ZNF215: variants seen among roughly 807,000 people sequenced by gnomAD.
The protein encoded by ZNF215 is zinc finger protein 215, also known as BWSCR2-associated zinc finger protein 2.
In ZNF215, 24 loss-of-function variants were observed where a neutral mutation model predicts 27.2. That is an observed-to-expected ratio of 0.88 (90% CI 0.64 to 1.24). The LOEUF (loss-of-function observed/expected upper bound fraction) is 1.24, where lower values mean the gene tolerates loss of function less well. Among genes scored for constraint, ZNF215 ranks in the 50% most tolerant of loss-of-function variants. The probability of loss-of-function intolerance (pLI) is 0.00; values close to 1 mark genes in which losing one functional copy is unlikely to be tolerated. For missense variants in ZNF215, 675 were observed against 605.7 expected (o/e 1.11, Z -1.20); for synonymous variants, 210 against 204.0 (o/e 1.03, Z -0.25).
At chr11:6,958,835 A>G (rs1225745031), downstream of ZNF215, among the ~76,000 whole-genome samples, 2 of 152,328 alleles carry the variant, frequency 1.3e-5, no homozygotes, top group Non-Finnish European at 2.9e-5. Context: ...CTGATGTTCA[A>G]GGGTAGGAAG....
chr11:6,930,944 T>G (rs1849236281), intron 2 of ZNF215, among the ~76,000 whole-genome samples: 1 of 152,240 alleles, frequency 6.6e-6, no homozygotes, highest in Admixed American at 6.5e-5. Context: ...ATTGACGATT[T>G]GGACTGGGTA....
chr11:6,968,031 T>G (rs894344413), intron 5 of ZNF215, among the ~76,000 whole-genome samples: 1 of 152,230 alleles, frequency 6.6e-6, no homozygotes, highest in African/African-American at 2.4e-5. Context: ...ACACCATTTA[T>G]TAAATAGGGA....
rs187876982 is a variant in ZNF215, at chr11:6,933,711, C to A, written c.400+1039C>A. On this transcript the variant is annotated intron_variant, in intron 3 of 6. Transcript: ENST00000278319. ...TAGGGAGGCTGAGGCAGGAGAATGG[C>A]GTGAACCCAGGAGGCGGAGCTTGCA... Among the ~76,000 whole-genome samples, 397 of 148,608 alleles carry A rather than the reference C, an allele frequency of 2.7e-3. 3 individuals are homozygous for A. The highest frequency in any genetic ancestry group is 8.6e-3 in the African/African-American group (346 of 40,258).
Position 6,970,551 on chromosome 11 carries a change from G to T in ZNF215, c.806-13578G>T, listed in dbSNP as rs113008333. Among the ~76,000 whole-genome samples, 306 of 152,246 alleles carry T rather than the reference G, an allele frequency of 2.0e-3. 1 individual carries two copies. The highest frequency in any genetic ancestry group is 6.8e-3 in the Middle Eastern group (2 of 294). The stretch of plus-strand genomic sequence containing the variant: ...AGTACACACTAAAGTGTTTACGGGC[G>T]AAGTAATGCCTAGGATTTGCTTGAA... On this transcript the variant is annotated intron_variant, in intron 5 of 5. Transcript: ENST00000529903.
At chr11:6,966,462 T>G (rs1226308163) in intron 5 of ZNF215, among the ~76,000 whole-genome samples, 1 of 148,434 alleles carries the variant, frequency 6.7e-6, no homozygotes, top group Non-Finnish European at 1.5e-5. Flanking sequence ...CCTGTACATA[T>G]CCCCCCCAAA....
chr11:6,967,382 C>A (rs1309286920), intron 5 of ZNF215, among the ~76,000 whole-genome samples: 1 of 152,226 alleles, frequency 6.6e-6, no homozygotes, highest in Non-Finnish European at 1.5e-5. Context: ...AATCTCCACA[C>A]TGTCTTCCAC....
chr11:6,936,909 A>G (rs1432436882), intron 3 of ZNF215, among the ~76,000 whole-genome samples: 1 of 151,726 alleles, frequency 6.6e-6, no homozygotes. Flanking sequence ...AAAAAGGACT[A>G]GAAGTGAACT....
intron 6 of ZNF215, among the ~76,000 whole-genome samples, chr11:6,947,290 A>T: frequency 6.6e-6 from 1 of 152,232 alleles, no homozygotes. Context: ...TGACCACAAA[A>T]TCTATGTCAT....
chr11:6,969,326 C>CA (rs1466606716), intron 5 of ZNF215, among the ~76,000 whole-genome samples: 2 of 151,966 alleles, frequency 1.3e-5, no homozygotes, highest in African/African-American at 4.8e-5. Flanking sequence ...AAATTTTCTC[C>CA]AAATATACAT....
intron 6 of ZNF215, among the ~76,000 whole-genome samples, chr11:6,944,202 G>A (rs1206404314): frequency 6.6e-6 from 1 of 152,026 alleles, no homozygotes; most frequent in African/African-American, 2.4e-5. Context: ...CGTGAACCCG[G>A]GAGGCGGAGC....
chr11:6,955,954 C>G lies in ZNF215; in HGVS notation c.977C>G (p.Pro326Arg), dbSNP rs372233758. Residue 326 changes from proline to arginine, a missense_variant, in exon 7 of 7, where the codon CCT (proline) becomes CGT (arginine). Coordinates refer to ENST00000278319, the MANE Select transcript of ZNF215 (RefSeq NM_013250.4). The stretch of plus-strand genomic sequence containing the variant: ...ATTTGTGCTATACAAGTGGGAATTC[C>G]TTCAAGAAAGGGGTCTCCAAAATGT... ...SSICAIQVGI[P>R]SRKGSPKCDK... 6.2e-7 allele frequency: 1 copy of G among 1,612,926 alleles called. No homozygotes were observed. Among genetic ancestry groups the G allele is most frequent in the Non-Finnish European group, 8.5e-7 (1 of 1,179,690 alleles).
At chr11:6,976,301 A>G (rs1200198156) in intron 5 of ZNF215, among the ~76,000 whole-genome samples, 1 of 151,992 alleles carries the variant, frequency 6.6e-6, no homozygotes, top group Non-Finnish European at 1.5e-5. Flanking sequence ...AAATTGATTT[A>G]TTTTCCAAAA....
chr11:6,940,804 T>C (rs1849609194), intron 3 of ZNF215, among the ~76,000 whole-genome samples: 1 of 152,206 alleles, frequency 6.6e-6, no homozygotes, highest in Admixed American at 6.5e-5. Flanking sequence ...AGTAAAAACA[T>C]TTTTTAAATC....
chr11:6,945,058 G>T (rs971711601), intron 6 of ZNF215, among the ~76,000 whole-genome samples: 1 of 151,954 alleles, frequency 6.6e-6, no homozygotes, highest in Non-Finnish European at 1.5e-5. Context: ...ATTTTTAGTT[G>T]TCTTACATTA....
chr11:6,965,832 G>C lies in ZNF215; in HGVS notation c.805+10050G>C, dbSNP rs140724387. ...TTATATAGTCAATCATGTCATCTGT[G>C]ACTATTTTTTAGTATTTTAGTTCTG... On this transcript the variant is annotated intron_variant, in intron 5 of 5. Coordinates refer to the ZNF215 transcript ENST00000529903. 7.1e-3 allele frequency among the ~76,000 whole-genome samples: 1,077 copies of C among 152,060 alleles called. 9 individuals carry two copies. Among genetic ancestry groups the C allele is most frequent in the African/African-American group, 0.023 (935 of 41,492 alleles).
Position 6,957,831 on chromosome 11 carries a change from A to G in ZNF215, c.*1300A>G. On this transcript the variant is annotated 3_prime_UTR_variant, in exon 7 of 7. Coordinates refer to ENST00000278319, the MANE Select transcript of ZNF215 (RefSeq NM_013250.4). ...CATTATGAAGTTATTAAAGTCTCCTATACTCTGTACACCAGAACTGTGTCT... is the reference window on the plus strand; with the variant it reads ...CATTATGAAGTTATTAAAGTCTCCTGTACTCTGTACACCAGAACTGTGTCT... The G allele has an allele frequency of 4.4e-5, 43 of 985,418 alleles. No individual in the cohort carries two copies. Among genetic ancestry groups the G allele is most frequent in the Non-Finnish European group, 5.2e-5 (43 of 829,932 alleles). 61.0% of individuals were successfully genotyped at this position (985,418 alleles called of 1,614,324 possible).
intron 5 of ZNF215, among the ~76,000 whole-genome samples, chr11:6,982,957 G>A (rs11041123): frequency 0.33 from 46,330 of 141,472 alleles, 8,238 homozygotes; most frequent in African/African-American, 0.46. Context: ...CAAAAAATTA[G>A]TGAATCCAGG....
intron 5 of ZNF215, among the ~76,000 whole-genome samples, chr11:6,982,652 T>C (rs1850980439): frequency 6.6e-6 from 1 of 152,124 alleles, no homozygotes; most frequent in South Asian, 2.1e-4. Flanking sequence ...TGCTCCTGAA[T>C]GACTACTGGG....
chr11:6,986,370 A>G (rs1237575404), downstream of ZNF215, among the ~76,000 whole-genome samples: 1 of 152,172 alleles, frequency 6.6e-6, no homozygotes, highest in East Asian at 1.9e-4. Flanking sequence ...CCATAAACCA[A>G]AACTAACTCA....
Sources: gnomAD v4.1 joint callset for allele counts (sites outside exome capture counted in the v4.1 genomes callset) on GRCh38, gnomAD v4.1.1 for gene constraint, MANE v1.5 for transcripts, NCBI Gene and HGNC (gene_info 2026-07-23, HGNC 2026-07-21) for gene names.